The following RGS3 variants were observed in gnomAD, a reference collection of about 807,000 sequenced individuals.
RGS3 encodes the protein regulator of G protein signaling 3.
RGS3 carries 80 observed loss-of-function variants against 132.6 expected under a neutral mutation model. The observed-to-expected ratio is 0.60, with a 90% CI of 0.50 to 0.73. The LOEUF is 0.73. Among genes scored for constraint, RGS3 ranks in the 30% least tolerant of loss-of-function variants. The pLI is 0.00. For missense variants in RGS3, 1,382 were observed against 1,530.8 expected (o/e 0.90, Z 1.62); for synonymous variants, 598 against 620.6 (o/e 0.96, Z 0.54).
intron 16 of RGS3, among the ~76,000 whole-genome samples, chr9:113,518,088 C>A (rs557649384): frequency 9.8e-5 from 15 of 152,314 alleles, no homozygotes; most frequent in African/African-American, 3.6e-4. Flanking sequence ...TGTAGCTCTG[C>A]CTGTGGGGTG....
intron 19 of RGS3, among the ~76,000 whole-genome samples, chr9:113,558,160 T>C (rs1431184182): frequency 6.6e-6 from 1 of 152,066 alleles, no homozygotes; most frequent in East Asian, 1.9e-4. Flanking sequence ...GTCTGCAAAA[T>C]TCTGTGATTA....
chr9:113,469,754 A>C (rs1257392070), intron 3 of RGS3, among the ~76,000 whole-genome samples: 1 of 152,178 alleles, frequency 6.6e-6, no homozygotes, highest in Non-Finnish European at 1.5e-5. Flanking sequence ...TGGGTTAGTT[A>C]GAAGTATATT....
chr9:113,522,706 G>A, intron 16 of RGS3: 2 of 552,790 alleles, frequency 3.6e-6, no homozygotes, highest in Non-Finnish European at 3.3e-6. Context: ...CCTACTTTGA[G>A]GAGTGGAAGT....
At chr9:113,540,831 G>A (rs1272152098) in intron 19 of RGS3, among the ~76,000 whole-genome samples, 1 of 152,238 alleles carries the variant, frequency 6.6e-6, no homozygotes, top group African/African-American at 2.4e-5. Flanking sequence ...TAGCCTCTCT[G>A]AGACTCAGTT....
In RGS3 at chr9:113,591,739, C is replaced by G. The variant is rs531986398; in HGVS notation, c.3080+342C>G. ...ACAACTCCTTTGCTCCCTCTGGGCC[C>G]AAGAGTGACCTGAGAAGGGGTGGAA... On this transcript the variant is annotated intron_variant, in intron 21 of 24. Coordinates refer to ENST00000350696, the Ensembl canonical transcript of RGS3. The surrounding 1 kb of genome is among the most constrained non-coding windows in gnomAD (Gnocchi z 4.4). The G allele has an allele frequency of 6.7e-4, 169 of 253,190 alleles. No individual in the cohort carries two copies. Among genetic ancestry groups the G allele is most frequent in the African/African-American group, 3.5e-3 (164 of 46,388 alleles). 15.7% of individuals were successfully genotyped at this position (253,190 alleles called of 1,614,324 possible). A position where few individuals can be genotyped will look rare whatever the true frequency, so the allele number is the denominator to read the frequency against.
At chr9:113,496,706 A>G (rs1830695287) in intron 8 of RGS3, among the ~76,000 whole-genome samples, 1 of 152,018 alleles carries the variant, frequency 6.6e-6, no homozygotes, top group South Asian at 2.1e-4. Flanking sequence ...ATCTGCCACC[A>G]CGCCTGGCTA....
intron 19 of RGS3, among the ~76,000 whole-genome samples, chr9:113,553,591 C>T (rs983825087): frequency 2.0e-5 from 3 of 148,868 alleles, no homozygotes; most frequent in Non-Finnish European, 3.0e-5. Flanking sequence ...CCTGTAATCC[C>T]AGCACTTTGG....
rs144086305 is a variant in RGS3 at position 113,543,299 on chromosome 9, G to A, written c.2037+6381G>A. Among the ~76,000 whole-genome samples the A allele has an allele frequency of 5.0e-4, 76 of 152,310 alleles. 2 individuals are homozygous for A. The East Asian group carries it at 0.012, about 25-fold the overall frequency. The stretch of plus-strand genomic sequence containing the variant: ...GCTTGCTCAGCTGCTATGGCCACTT[G>A]AACCCCAAAAATGGTGGCCTAGAAG... On this transcript the variant is annotated intron_variant, in intron 19 of 24. Transcript: ENST00000350696.
chr9:113,570,553 A>AG (rs111998206), intron 19 of RGS3, among the ~76,000 whole-genome samples: 27,810 of 152,078 alleles, frequency 0.18, 2,643 homozygotes, highest in African/African-American at 0.21. Flanking sequence ...CACAAAGCGT[A>AG]CCCCCATCCA....
chr9:113,504,926 C>T (rs1831063049), intron 10 of RGS3: 1 of 154,808 alleles, frequency 6.5e-6, no homozygotes, highest in African/African-American at 2.4e-5. Flanking sequence ...GACCCTTGGC[C>T]TGAGATGGAG....
intron 14 of RGS3, among the ~76,000 whole-genome samples, chr9:113,512,551 G>A (rs1481807824): frequency 6.6e-6 from 1 of 152,144 alleles, no homozygotes; most frequent in Non-Finnish European, 1.5e-5. Context: ...GGGGGTGGGA[G>A]GAGGAAGCAA....
chr9:113,494,147 C>A (rs2119267548), intron 7 of RGS3, among the ~76,000 whole-genome samples: 1 of 152,166 alleles, frequency 6.6e-6, no homozygotes, highest in East Asian at 1.9e-4. Context: ...TAAAAAAAAA[C>A]TCTTACTGTC....
intron 21 of RGS3, chr9:113,593,888 C>A: frequency 1.3e-6 from 2 of 1,557,914 alleles, no homozygotes; most frequent in South Asian, 1.2e-5. Context: ...GCTGACTTGT[C>A]CCCCACCCCC....
chr9:113,518,625 G>A (rs1190685646), intron 16 of RGS3, among the ~76,000 whole-genome samples: 3 of 152,182 alleles, frequency 2.0e-5, no homozygotes, highest in African/African-American at 7.2e-5. Flanking sequence ...TATTCCAAAT[G>A]TACATTATCT....
intron 19 of RGS3, among the ~76,000 whole-genome samples, chr9:113,573,885 G>A (rs2079158555): frequency 6.6e-6 from 1 of 152,202 alleles, no homozygotes; most frequent in African/African-American, 2.4e-5. Context: ...AAGTGAAGAC[G>A]GCAGGAAAGG....
At chr9:113,559,682 C>A (rs1833712705) in intron 19 of RGS3, among the ~76,000 whole-genome samples, 1 of 152,192 alleles carries the variant, frequency 6.6e-6, no homozygotes, top group African/African-American at 2.4e-5. Context: ...GCCATGCTGC[C>A]TGCTGGGCTT....
intron 19 of RGS3, among the ~76,000 whole-genome samples, chr9:113,559,893 A>AGAC (rs1201821119): frequency 6.6e-6 from 1 of 152,236 alleles, no homozygotes; most frequent in African/African-American, 2.4e-5. Context: ...GTCTTTTCAC[A>AGAC]GATGATAGCA....
chr9:113,500,081 T>C (rs925612777), intron 10 of RGS3, among the ~76,000 whole-genome samples: 22 of 152,208 alleles, frequency 1.4e-4, no homozygotes, highest in Admixed American at 7.9e-4. Flanking sequence ...GGTTTCTTGG[T>C]GGCTTGTAAA....
rs537932027 is a variant in RGS3 at position 113,513,244 on chromosome 9, G to A, written c.1478-1214G>A. On this transcript the variant is annotated intron_variant, in intron 14 of 24. Coordinates refer to ENST00000350696, the Ensembl canonical transcript of RGS3. Reference sequence around the variant, plus strand: ...AACAAAAACGTGTGCACCACCCCTTGTTCAGGGTGAGGGGTGTGTGTCCAT... The same window carrying A: ...AACAAAAACGTGTGCACCACCCCTTATTCAGGGTGAGGGGTGTGTGTCCAT... Among the ~76,000 whole-genome samples the A allele has an allele frequency of 7.2e-5, 11 of 152,270 alleles. No individual in the cohort carries two copies. In the East Asian group the frequency reaches 1.9e-3, roughly 27 times the overall value.
Sources: allele counts gnomAD v4.1 joint callset (sites outside exome capture counted in the v4.1 genomes callset), GRCh38; gene constraint gnomAD v4.1.1; non-coding constraint Gnocchi (gnomAD v3.1); transcripts MANE v1.5; gene names NCBI Gene and HGNC (gene_info 2026-07-23, HGNC 2026-07-21).